The following RTN4RL1 variants were observed in gnomAD, a reference collection of about 807,000 sequenced individuals.
RTN4RL1 encodes the protein reticulon-4 receptor-like 1.
Under a neutral mutation model 25.6 loss-of-function variants are expected in RTN4RL1, and 7 were observed. The observed-to-expected ratio is 0.27, with a 90% CI of 0.16 to 0.51. The LOEUF (loss-of-function observed/expected upper bound fraction) is 0.51. RTN4RL1 is among the 20% of genes least tolerant of loss of function. The probability of loss-of-function intolerance (pLI) is 0.97; values close to 1 mark genes in which losing one functional copy is unlikely to be tolerated. For missense variants in RTN4RL1, 500 were observed against 615.6 expected, an observed-to-expected ratio of 0.81 and a Z score of 1.99; for synonymous variants, 297 against 288.2, an observed-to-expected ratio of 1.03 and a Z score of -0.31.
At chr17:1,963,462 C>G (rs978792363) in intron 1 of RTN4RL1, among the ~76,000 whole-genome samples, 1 of 152,236 alleles carries the variant, frequency 6.6e-6, no homozygotes, top group African/African-American at 2.4e-5. Flanking sequence ...TCTCCCTCTG[C>G]CAGCCAGGCC....
intron 1 of RTN4RL1, among the ~76,000 whole-genome samples, chr17:1,973,198 A>G (rs538826125): frequency 6.6e-6 from 1 of 152,138 alleles, no homozygotes; most frequent in South Asian, 2.1e-4. Context: ...CCCCGTCTCT[A>G]CTAAAAATAC....
In RTN4RL1 at chr17:1,937,349, T is replaced by C; in HGVS notation, c.473A>G (p.Asp158Gly). ...GTCCTGGAGGTACTCGATGTGGTTG[T>C]CCTGCAGGTAGAGGTACTGCAGGCT... Reference protein sequence around the residue: ...LHSLQYLYLQDNHIEYLQDDI... With the variant: ...LHSLQYLYLQGNHIEYLQDDI... The change falls in exon 2 of 2, where the codon GAC (aspartate) becomes GGC (glycine). Residue 158 changes from aspartate to glycine, a missense_variant. Physicochemically the swap from Asp to Gly is moderately conservative, Grantham distance 94. This residue lies in a region of RTN4RL1 where 232 missense variants were observed against 341.1 expected (regional missense o/e 0.68). Coordinates refer to ENST00000331238, the MANE Select transcript of RTN4RL1 (RefSeq NM_178568.4). 6.2e-7 allele frequency: 1 copy of C among 1,613,690 alleles called. No individual in the cohort carries two copies.
chr17:2,003,501 C>T (rs2066972698), intron 1 of RTN4RL1: 5 of 152,322 alleles, frequency 3.3e-5, no homozygotes, highest in Admixed American at 2.6e-4. Context: ...GGAGGCCTTG[C>T]TCTGCCACAA....
chr17:1,944,934 C>T (rs1055355266), intron 1 of RTN4RL1, among the ~76,000 whole-genome samples: 3 of 152,202 alleles, frequency 2.0e-5, no homozygotes, highest in Non-Finnish European at 4.4e-5. Flanking sequence ...CTCTGTGGCT[C>T]CCATCTCTCT....
chr17:2,024,801 GCT>G, intron 1 of RTN4RL1, 50 bp downstream of exon 1: 1 of 1,538,618 alleles, frequency 6.5e-7, no homozygotes, highest in Non-Finnish European at 8.8e-7. Context: ...CGGGCTCGCG[GCT>G]CTTTCCGGAG....
At chr17:2,012,837 A>G (rs966106138) in intron 1 of RTN4RL1, among the ~76,000 whole-genome samples, 1 of 149,218 alleles carries the variant, frequency 6.7e-6, no homozygotes, top group Non-Finnish European at 1.5e-5. Flanking sequence ...TCTGTCACCC[A>G]GGCTGGAGTG....
intron 1 of RTN4RL1, chr17:2,003,701 T>G (rs2066974000): frequency 6.6e-6 from 1 of 152,374 alleles, no homozygotes; most frequent in Middle Eastern, 3.1e-3. Flanking sequence ...CCGGCCCGTG[T>G]CTGCTTGGCG....
chr17:2,002,072 G>T (rs946128689), intron 1 of RTN4RL1, among the ~76,000 whole-genome samples: 1 of 151,546 alleles, frequency 6.6e-6, no homozygotes, highest in Non-Finnish European at 1.5e-5. Flanking sequence ...GACAAGCATC[G>T]GAGGTTGGGG....
chr17:2,024,746 C>CG, intron 1 of RTN4RL1, 107 bp downstream of exon 1: 1 of 1,159,658 alleles, frequency 8.6e-7, no homozygotes. Flanking sequence ...ACCAGCCCGC[C>CG]GGGGGCTACT....
chr17:1,988,031 A>G lies in RTN4RL1; in HGVS notation c.13+36822T>C, dbSNP rs182073540. On this transcript the variant is annotated intron_variant, in intron 1 of 1. Transcript: ENST00000331238. The stretch of plus-strand genomic sequence containing the variant: ...TGAGGCAGGAGAATCACTTGAACCC[A>G]GGAAGTGGAGGTTGCAGTGAGCTGA... Among the ~76,000 whole-genome samples, 1,253 of 151,734 alleles carry G rather than the reference A, an allele frequency of 8.3e-3. 24 individuals are homozygous for G. The highest frequency in any genetic ancestry group is 0.029 in the African/African-American group (1,193 of 41,330).
intron 1 of RTN4RL1, among the ~76,000 whole-genome samples, chr17:2,002,507 T>A (rs1178012237): frequency 6.6e-6 from 1 of 150,786 alleles, no homozygotes; most frequent in African/African-American, 2.5e-5. Flanking sequence ...TTAGCCAGGA[T>A]GGTCTCAATC....
rs2151331115 is a variant in RTN4RL1 at position 2,020,054 on chromosome 17, A to T, written c.13+4799T>A. 2 of 152,270 alleles carry T rather than the reference A, an allele frequency of 1.3e-5. 1 individual carries two copies. Among genetic ancestry groups the T allele is most frequent in the South Asian group, 4.1e-4 (2 of 4,822 alleles). The allele number at this position is 152,270 out of a possible 1,614,324, so 9.4% of individuals were successfully genotyped here. A position where few individuals can be genotyped will look rare whatever the true frequency, so the allele number is the denominator to read the frequency against. On this transcript the variant is annotated intron_variant, in intron 1 of 1. Transcript: ENST00000331238. ...CTCTTGACGTCTTTTTTCTGGCATA[A>T]GGACCCGGAGCTTTGAGGAGCGCAG...
At chr17:1,973,919 A>G (rs1208120923) in intron 1 of RTN4RL1, among the ~76,000 whole-genome samples, 2 of 151,782 alleles carry the variant, frequency 1.3e-5, no homozygotes, top group Non-Finnish European at 2.9e-5. Flanking sequence ...TACACCTGTA[A>G]TCCCAGCTAC....
chr17:1,982,633 GA>G lies in RTN4RL1; in HGVS notation c.13+42219del, dbSNP rs1240638550. Among the ~76,000 whole-genome samples, 9 of 151,822 alleles carry G rather than the reference GA, an allele frequency of 5.9e-5. No homozygotes were observed. In the South Asian group the frequency reaches 8.3e-4, roughly 14 times the overall value. ...CGTCTCAAAAGAAAAGAAAAGAAAA[GA>G]AAAGAAAAGAAAAGAAACTCTGGGA... On this transcript the variant is annotated intron_variant, in intron 1 of 1. Transcript: ENST00000331238.
chr17:1,969,866 G>A (rs574551197), intron 1 of RTN4RL1, among the ~76,000 whole-genome samples: 52 of 152,250 alleles, frequency 3.4e-4, no homozygotes, highest in African/African-American at 1.1e-3. Flanking sequence ...GGCTCAGCAG[G>A]ATGGTTCTTC....
At chr17:1,989,627 G>T (rs1457340521) in intron 1 of RTN4RL1, among the ~76,000 whole-genome samples, 2 of 152,102 alleles carry the variant, frequency 1.3e-5, no homozygotes, top group African/African-American at 2.4e-5. Context: ...AGGCTGGAGT[G>T]TAATGGCATG....
At position 1,936,464 on chromosome 17, in the gene RTN4RL1, G is replaced by T; in HGVS notation, c.*32C>A. ...ATAAATTCTGTTCCTTGGTGGACATGTGGCAGTGCTGGGTGCTGACGCCCT... is the reference window on the plus strand; with the variant it reads ...ATAAATTCTGTTCCTTGGTGGACATTTGGCAGTGCTGGGTGCTGACGCCCT... On this transcript the variant is annotated 3_prime_UTR_variant, in exon 2 of 2. Coordinates refer to ENST00000331238, the MANE Select transcript of RTN4RL1 (RefSeq NM_178568.4). 1 of 1,508,788 alleles carries T rather than the reference G, an allele frequency of 6.6e-7. No individual in the cohort carries two copies. The highest frequency in any genetic ancestry group is 8.8e-7 in the Non-Finnish European group (1 of 1,137,018). 93.5% of individuals were successfully genotyped at this position (1,508,788 alleles called of 1,614,324 possible). A position where few individuals can be genotyped will look rare whatever the true frequency, so the allele number is the denominator to read the frequency against.
intron 1 of RTN4RL1, among the ~76,000 whole-genome samples, chr17:1,993,573 T>C (rs1409028296): frequency 2.0e-5 from 3 of 152,192 alleles, no homozygotes; most frequent in Admixed American, 6.5e-5. Flanking sequence ...TTAAACTTAT[T>C]TCGGCAGTTG....
chr17:1,958,194 A>G (rs1915828021), intron 1 of RTN4RL1, among the ~76,000 whole-genome samples: 2 of 152,210 alleles, frequency 1.3e-5, no homozygotes, highest in Admixed American at 6.5e-5. Flanking sequence ...TGTCTCAAAA[A>G]CAAAAACAAA....
Sources: allele counts gnomAD v4.1 joint callset (sites outside exome capture counted in the v4.1 genomes callset), GRCh38; gene constraint gnomAD v4.1.1; regional missense constraint gnomAD v4.1.1; transcripts MANE v1.5; gene names NCBI Gene and HGNC (gene_info 2026-07-23, HGNC 2026-07-21).